The following CACNA2D1 variants were observed in gnomAD, a reference collection of about 807,000 sequenced individuals.
The protein encoded by CACNA2D1 is calcium voltage-gated channel auxiliary subunit alpha2delta 1, also known as voltage-dependent calcium channel subunit alpha-2/delta-1.
Under a neutral mutation model 171.5 loss-of-function variants are expected in CACNA2D1, and 53 were observed. The ratio of observed to expected loss-of-function variants is 0.31; its 90% CI spans 0.25 to 0.39. The LOEUF is 0.39. Among genes scored for constraint, CACNA2D1 ranks in the 10% least tolerant of loss-of-function variants. CACNA2D1 has a pLI of 1.00. For missense variants in CACNA2D1, 903 were observed against 1,299.8 expected (o/e 0.69, Z 4.69); for synonymous variants, 442 against 443.1 (o/e 1.00, Z 0.03).
Position 81,968,985 on chromosome 7 carries a change from A to T in CACNA2D1, c.2309-12T>A. ...ACCAGGTCCACTTTCTAAAAAAAAA[A>T]TAAATAAATAAAACACCTATCAAGA... On this transcript the variant is annotated splice_polypyrimidine_tract_variant and intron_variant, in intron 28 of 38. Transcript: ENST00000356860. 1.4e-6 allele frequency: 2 copies of T among 1,384,432 alleles called. No individual in the cohort carries two copies. The highest frequency in any genetic ancestry group is 2.0e-6 in the Non-Finnish European group (2 of 976,306). 85.8% of individuals were successfully genotyped at this position (1,384,432 alleles called of 1,614,324 possible). A position where few individuals can be genotyped will look rare whatever the true frequency, so the allele number is the denominator to read the frequency against.
At chr7:82,312,911 T>C (rs373421250) in intron 3 of CACNA2D1, among the ~76,000 whole-genome samples, 1 of 152,142 alleles carries the variant, frequency 6.6e-6, no homozygotes, top group East Asian at 1.9e-4. Flanking sequence ...TGCTTCAAAT[T>C]CTAAAAGTAC....
In CACNA2D1 at chr7:82,093,614, G is replaced by T. The variant is rs535220712; in HGVS notation, c.527-8714C>A. Among the ~76,000 whole-genome samples the T allele has an allele frequency of 3.3e-5, 5 of 152,126 alleles. No homozygotes were observed. In the South Asian group the frequency reaches 6.2e-4, roughly 19 times the overall value. Reference sequence around the variant, plus strand: ...ATAAGACAATGGCAAACTGAAAAAAGATTTTTAATATCTTATGTAACTTGG... The same window carrying T: ...ATAAGACAATGGCAAACTGAAAAAATATTTTTAATATCTTATGTAACTTGG... On this transcript the variant is annotated intron_variant, in intron 6 of 38. Transcript: ENST00000356860.
At chr7:82,013,851 G>A (rs916719174) in intron 13 of CACNA2D1, among the ~76,000 whole-genome samples, 1 of 151,696 alleles carries the variant, frequency 6.6e-6, no homozygotes, top group Non-Finnish European at 1.5e-5. Context: ...TAAAATCTTT[G>A]CCTAAATATA....
chr7:82,040,481 T>C (rs1342654104), intron 10 of CACNA2D1, among the ~76,000 whole-genome samples: 3 of 131,138 alleles, frequency 2.3e-5, no homozygotes, highest in Admixed American at 1.6e-4. Context: ...ACAGAAGGCT[T>C]CAGGAAAAAA....
At chr7:82,343,711 A>G (rs997805486) in intron 2 of CACNA2D1, among the ~76,000 whole-genome samples, 2 of 152,132 alleles carry the variant, frequency 1.3e-5, no homozygotes, top group Non-Finnish European at 2.9e-5. Flanking sequence ...TCCATATCTG[A>G]AGCTATATAT....
In CACNA2D1 at chr7:82,352,868, G is replaced by A. The variant is rs374059809; in HGVS notation, c.96-3219C>T. 5.3e-5 allele frequency among the ~76,000 whole-genome samples: 8 copies of A among 152,266 alleles called. No homozygotes were observed. The East Asian group carries it at 7.7e-4, about 15-fold the overall frequency. ...AACTTCAAGAGATTCAAATGACTGA[G>A]TCCAAGCTTGGTTCAGCAAAAGGTA... On this transcript the variant is annotated intron_variant, in intron 1 of 38. Coordinates refer to ENST00000356860, the MANE Select transcript of CACNA2D1 (RefSeq NM_000722.4).
At chr7:82,062,046 T>A (rs1408259551) in intron 9 of CACNA2D1, among the ~76,000 whole-genome samples, 2 of 152,192 alleles carry the variant, frequency 1.3e-5, no homozygotes, top group African/African-American at 4.8e-5. Context: ...CATCTACATC[T>A]TAGTAGAATT....
At chr7:82,295,424 C>A (rs543072718) in intron 3 of CACNA2D1, among the ~76,000 whole-genome samples, 1 of 151,484 alleles carries the variant, frequency 6.6e-6, no homozygotes, top group South Asian at 2.1e-4. Context: ...GCAGCCTTGA[C>A]CCCCCAGGCT....
intron 6 of CACNA2D1, among the ~76,000 whole-genome samples, chr7:82,112,540 C>T (rs1369243772): frequency 6.6e-6 from 1 of 152,296 alleles, no homozygotes; most frequent in East Asian, 1.9e-4. Flanking sequence ...CACCAAACAC[C>T]TTAAAGAAGC....
intron 10 of CACNA2D1, among the ~76,000 whole-genome samples, chr7:82,051,859 G>A (rs1805231445): frequency 6.6e-6 from 1 of 152,072 alleles, no homozygotes; most frequent in Non-Finnish European, 1.5e-5. Context: ...GCATATAACT[G>A]GATTAGTGGG....
intron 3 of CACNA2D1, among the ~76,000 whole-genome samples, chr7:82,283,075 A>G (rs1810328617): frequency 6.6e-6 from 1 of 152,170 alleles, no homozygotes. Flanking sequence ...CTTACAATGT[A>G]TTATAAGAAA....
chr7:82,072,944 T>C (rs1808501535), intron 7 of CACNA2D1, among the ~76,000 whole-genome samples: 1 of 152,120 alleles, frequency 6.6e-6, no homozygotes, highest in Non-Finnish European at 1.5e-5. Context: ...ACTGGAACTA[T>C]AGATTATAGA....
intron 17 of CACNA2D1, 78 bp from the exon 18 acceptor site, chr7:82,005,575 G>A (rs1386613490): frequency 4.2e-6 from 4 of 948,922 alleles, no homozygotes; most frequent in Non-Finnish European, 6.6e-6. Flanking sequence ...AATACATAAT[G>A]TATTAAATAC....
intron 20 of CACNA2D1, among the ~76,000 whole-genome samples, chr7:81,993,429 G>T (rs928600796): frequency 6.6e-6 from 1 of 152,092 alleles, no homozygotes. Flanking sequence ...AAAGTTAATA[G>T]CTAACCTAAG....
chr7:82,160,400 C>T (rs539826368), intron 4 of CACNA2D1, among the ~76,000 whole-genome samples: 1 of 151,878 alleles, frequency 6.6e-6, no homozygotes, highest in African/African-American at 2.4e-5. Context: ...AAAAGTATTG[C>T]TGATAAAATT....
intron 1 of CACNA2D1, among the ~76,000 whole-genome samples, chr7:82,429,665 G>A (rs1382821698): frequency 3.9e-5 from 6 of 152,202 alleles, no homozygotes; most frequent in African/African-American, 9.6e-5. Context: ...TAATTATCAC[G>A]CATGATTTGG....
chr7:82,030,762 G>A (rs1303552971), intron 12 of CACNA2D1, among the ~76,000 whole-genome samples: 1 of 151,776 alleles, frequency 6.6e-6, no homozygotes, highest in East Asian at 1.9e-4. Flanking sequence ...TTAAAATTAT[G>A]ACAAATATAA....
chr7:82,137,596 A>G (rs922567277), intron 4 of CACNA2D1, among the ~76,000 whole-genome samples: 44 of 151,348 alleles, frequency 2.9e-4, no homozygotes, highest in Admixed American at 5.9e-4. Flanking sequence ...TTTTAGGCTG[A>G]CGCGGTGGCT....
chr7:82,196,429 G>A (rs1267558037), intron 3 of CACNA2D1, among the ~76,000 whole-genome samples: 2 of 152,012 alleles, frequency 1.3e-5, no homozygotes, highest in Non-Finnish European at 1.5e-5. Context: ...GATTCCTGTT[G>A]GATAGCTACT....
Sources: gnomAD v4.1 joint callset for allele counts (sites outside exome capture counted in the v4.1 genomes callset) on GRCh38, gnomAD v4.1.1 for gene constraint, MANE v1.5 for transcripts, NCBI Gene and HGNC (gene_info 2026-07-23, HGNC 2026-07-21) for gene names.